The following ADA2 variants were observed in gnomAD, a reference collection of about 807,000 sequenced individuals.
ADA2 encodes the protein adenosine deaminase 2.
In ADA2, 29 loss-of-function variants were observed where a neutral mutation model predicts 44.2. The ratio of observed to expected loss-of-function variants is 0.66; its 90% CI spans 0.49 to 0.89. ADA2 has a LOEUF of 0.89. Among genes scored for constraint, ADA2 ranks in the 40% least tolerant of loss-of-function variants. The pLI is 0.00. For synonymous variants in ADA2, 215 were observed against 234.9 expected (o/e 0.92, Z 0.77); for missense variants, 637 against 644.8 (o/e 0.99, Z 0.13).
upstream of ADA2, among the ~76,000 whole-genome samples, chr22:17,220,693 C>G (rs934548472): frequency 6.6e-6 from 1 of 152,118 alleles, no homozygotes. Flanking sequence ...CCACTCAAAT[C>G]TACCCCCAAG....
At chr22:17,191,617 C>T in intron 5 of ADA2, 66 bp downstream of exon 5, 2 of 1,571,816 alleles carry the variant, frequency 1.3e-6, no homozygotes, top group Non-Finnish European at 1.7e-6. Flanking sequence ...CCTCCCCTCC[C>T]AGCCTAGTAG....
At position 17,211,922 on chromosome 22, in the gene ADA2, G is replaced by A. The variant is rs921519953; in HGVS notation, c.-46-2199C>T. Among the ~76,000 whole-genome samples the A allele has an allele frequency of 5.0e-4, 76 of 151,398 alleles. 1 individual carries two copies. The highest frequency in any genetic ancestry group is 4.1e-4 in the African/African-American group (17 of 41,240). On this transcript the variant is annotated intron_variant, in intron 1 of 9. Transcript: ENST00000399837. Reference sequence around the variant, plus strand: ...CAGCCTGCCAACAGAGTGAGACTCCGTCTCAAAAAAAGAGGAAAAAAAAAT... The same window carrying A: ...CAGCCTGCCAACAGAGTGAGACTCCATCTCAAAAAAAGAGGAAAAAAAAAT...
At chr22:17,199,522 T>G in intron 4 of ADA2, 3 of 1,571,350 alleles carry the variant, frequency 1.9e-6, no homozygotes, top group Non-Finnish European at 2.6e-6. Context: ...GTTGTCAGGA[T>G]TTGCCCAACA....
At chr22:17,192,445 G>A (rs906413907) in intron 4 of ADA2, among the ~76,000 whole-genome samples, 15 of 152,122 alleles carry the variant, frequency 9.9e-5, no homozygotes, top group East Asian at 3.9e-4. Context: ...GCTGCAAGGC[G>A]GCCACTGCCA....
Position 17,207,167 on chromosome 22 carries a change from G to C in ADA2, c.446C>G (p.Ala149Gly). 1.9e-6 allele frequency: 3 copies of C among 1,614,214 alleles called. No individual in the cohort carries two copies. Among genetic ancestry groups the C allele is most frequent in the Non-Finnish European group, 2.5e-6 (3 of 1,180,014 alleles). ...TTCTGATGGACGGGGAGTTGGGTGA[G>C]CAAATCTGAACTGCATGATCCCCCT... ...TPRGIMQFRF[A>G]HPTPRPSEKC... Residue 149 changes from alanine (A) to glycine (G), a missense_variant, in exon 3 of 10, where the codon GCT becomes GGT. Coordinates refer to ENST00000399837, the MANE Select transcript of ADA2 (RefSeq NM_001282225.2).
chr22:17,190,095 GCA>G, intron 5 of ADA2, 63 bp from the exon 6 acceptor site: 1 of 1,303,984 alleles, frequency 7.7e-7, no homozygotes. Context: ...AAACCCCAGA[GCA>G]CACCCTCCGT....
At chr22:17,192,409 C>T (rs893683970) in intron 4 of ADA2, among the ~76,000 whole-genome samples, 1 of 152,210 alleles carries the variant, frequency 6.6e-6, no homozygotes, top group Non-Finnish European at 1.5e-5. Flanking sequence ...CACCTCCCCA[C>T]TGCTTCCCTA....
At chr22:17,204,018 G>A (rs2062323877) in intron 3 of ADA2, among the ~76,000 whole-genome samples, 1 of 152,030 alleles carries the variant, frequency 6.6e-6, no homozygotes, top group Non-Finnish European at 1.5e-5. Context: ...TGCTTAAGAT[G>A]AGAGCTCACC....
upstream of ADA2, among the ~76,000 whole-genome samples, chr22:17,220,340 G>A (rs765553701): frequency 2.0e-5 from 3 of 152,082 alleles, no homozygotes; most frequent in Non-Finnish European, 2.9e-5. Flanking sequence ...TACCCAGGAC[G>A]GTCAGAGTCA....
intron 1 of ADA2, among the ~76,000 whole-genome samples, chr22:17,216,791 T>C (rs1047377676): frequency 8.4e-4 from 88 of 105,152 alleles, no homozygotes; most frequent in East Asian, 5.7e-3. Flanking sequence ...CACACACACA[T>C]ATATATAGAG....
rs1438429934 is a variant in ADA2 at position 17,197,810 on chromosome 22, G to A, written c.753+5753C>T. 5.3e-5 allele frequency among the ~76,000 whole-genome samples: 8 copies of A among 152,098 alleles called. No homozygotes were observed. The East Asian group carries it at 5.8e-4, about 11-fold the overall frequency. On this transcript the variant is annotated intron_variant, in intron 4 of 9. Coordinates refer to ENST00000399837, the MANE Select transcript of ADA2 (RefSeq NM_001282225.2). ...TCCTAGCACTTTGGGAGGCCAAGGC[G>A]GGCGGATCACCTGAGGTCACGAATT...
intron 6 of ADA2, 110 bp downstream of exon 6, chr22:17,189,832 G>A: frequency 1.3e-6 from 1 of 741,774 alleles, no homozygotes; most frequent in South Asian, 1.6e-5. Flanking sequence ...GGATGTCAGG[G>A]TACCAACAGG....
chr22:17,187,396 C>T (rs2062047958), intron 7 of ADA2, among the ~76,000 whole-genome samples: 2 of 151,972 alleles, frequency 1.3e-5, no homozygotes, highest in Non-Finnish European at 1.5e-5. Context: ...CTCAGGCAAT[C>T]CTCCCACCTC....
At position 17,216,450 on chromosome 22, in the gene ADA2, TA is replaced by T. The variant is rs760605162; in HGVS notation, c.-47+2905del. Among the ~76,000 whole-genome samples, 4 of 151,928 alleles carry T rather than the reference TA, an allele frequency of 2.6e-5. No individual in the cohort carries two copies. The South Asian group carries it at 8.3e-4, about 32-fold the overall frequency. ...CATAGTAGACTAGGGTGACTATACT[TA>T]GCAATAATATTATGTATATTTCAGA... On this transcript the variant is annotated intron_variant, in intron 1 of 9. Coordinates refer to ENST00000399837, the MANE Select transcript of ADA2 (RefSeq NM_001282225.2).
At chr22:17,195,762 T>C (rs2062182306) in intron 4 of ADA2, among the ~76,000 whole-genome samples, 1 of 112,848 alleles carries the variant, frequency 8.9e-6, no homozygotes, top group Admixed American at 9.3e-5. Context: ...ATTTCTTTCC[T>C]TTTTTTTTTT....
intron 1 of ADA2, among the ~76,000 whole-genome samples, chr22:17,217,209 A>G (rs529657810): frequency 2.6e-5 from 4 of 152,172 alleles, no homozygotes; most frequent in South Asian, 4.1e-4. Flanking sequence ...GAAATCCAAC[A>G]CCCAAATAAC....
chr22:17,209,031 G>A (rs1303035244), intron 2 of ADA2, among the ~76,000 whole-genome samples: 2 of 151,868 alleles, frequency 1.3e-5, no homozygotes, highest in African/African-American at 2.4e-5. Context: ...ATGTTTCATG[G>A]AGGTGTGTTT....
intron 4 of ADA2, among the ~76,000 whole-genome samples, chr22:17,199,079 TG>T (rs922861271): frequency 6.6e-6 from 1 of 152,188 alleles, no homozygotes; most frequent in African/African-American, 2.4e-5. Context: ...CAAAAGCCTT[TG>T]TTCCAGGGTC....
chr22:17,203,773 G>A lies in ADA2; in HGVS notation c.543C>T (p.Ser181=), dbSNP rs751859598. 1.9e-5 allele frequency: 31 copies of A among 1,611,478 alleles called. No individual in the cohort carries two copies. The African/African-American group carries it at 2.9e-4, about 15-fold the overall frequency. ...RVQNVTEFDD[S]LLRNFTLVTQ... is the part of the protein sequence containing the mutation. ...TCACCAGAGTGAAATTCCTCAGCAA[G>A]CTGTCCAAGACACGAAGTGGGGAGT... Residue 181 remains serine, a splice_region_variant and synonymous_variant, in exon 4 of 10, where the codon AGC becomes AGT. Coordinates refer to ENST00000399837, the MANE Select transcript of ADA2 (RefSeq NM_001282225.2).
Sources: allele counts gnomAD v4.1 joint callset (sites outside exome capture counted in the v4.1 genomes callset), GRCh38; gene constraint gnomAD v4.1.1; transcripts MANE v1.5; gene names NCBI Gene and HGNC (gene_info 2026-07-23, HGNC 2026-07-21).